TET3: variants seen among roughly 807,000 people sequenced by gnomAD.
TET3 encodes the protein tet methylcytosine dioxygenase 3.
TET3 carries 19 observed loss-of-function variants against 141.4 expected under a neutral mutation model. That is an observed-to-expected ratio of 0.13 (90% CI 0.09 to 0.20). TET3 has a LOEUF of 0.20. Among genes scored for constraint, TET3 ranks in the 10% least tolerant of loss-of-function variants. The pLI, the probability that TET3 is intolerant of heterozygous loss-of-function variation, is 1.00. For missense variants in TET3, 1,874 were observed against 2,356.9 expected, an observed-to-expected ratio of 0.80 and a Z score of 4.24; for synonymous variants, 1,043 against 980.9, an observed-to-expected ratio of 1.06 and a Z score of -1.18.
chr2:74,132,573 AAC>A, the TET3 span, among the ~76,000 whole-genome samples: 6 of 152,218 alleles, frequency 3.9e-5, no homozygotes, highest in South Asian at 1.0e-3. Flanking sequence ...TTTTTGTAGA[AAC>A]AGTGTCTTAC....
chr2:74,067,380 C>G (rs1020548087), intron 4 of TET3, among the ~76,000 whole-genome samples: 2 of 152,172 alleles, frequency 1.3e-5, no homozygotes, highest in African/African-American at 4.8e-5. Context: ...TTTGGCGGAG[C>G]CTGGACAACA....
intron 3 of TET3, among the ~76,000 whole-genome samples, chr2:74,016,224 G>T (rs1685720209): frequency 6.6e-6 from 1 of 151,862 alleles, no homozygotes; most frequent in South Asian, 2.1e-4. Flanking sequence ...ACTTGCTTGA[G>T]CCCAGGAGTT....
chr2:74,000,160 C>T (rs1295232875), intron 2 of TET3, among the ~76,000 whole-genome samples: 1 of 152,128 alleles, frequency 6.6e-6, no homozygotes, highest in African/African-American at 2.4e-5. Context: ...CAGGTCCTGC[C>T]CTCCCAGGAC....
intron 3 of TET3, among the ~76,000 whole-genome samples, chr2:74,023,531 C>T (rs748977232): frequency 3.9e-5 from 6 of 152,352 alleles, no homozygotes; most frequent in African/African-American, 7.2e-5. Context: ...GTGTGAGCCA[C>T]AGCGCACAGT....
rs772568876 is a variant in TET3, at chr2:74,100,525, G to T, written c.3737G>T (p.Cys1246Phe). 1 of 1,609,954 alleles carries T rather than the reference G, an allele frequency of 6.2e-7. No homozygotes were observed. ...GAGAGCTACTCGGTGCTGGGCAACT[G>T]CCGGCCCTCCGACCCTTACAGCATG... ...VVESYSVLGN[C>F]RPSDPYSMNS... The change falls in exon 12 of 12, where the codon TGC (cysteine) becomes TTC (phenylalanine). Residue 1246 changes from cysteine to phenylalanine, a missense_variant. Cys to Phe is a radical substitution (Grantham distance 205, BLOSUM62 -2). This residue lies in a region of TET3 where 602 missense variants were observed against 590.2 expected (regional missense o/e 1.02). Coordinates refer to ENST00000409262, the MANE Select transcript of TET3 (RefSeq NM_001287491.2).
chr2:74,054,851 A>G (rs1319655308), intron 4 of TET3, among the ~76,000 whole-genome samples: 1 of 152,134 alleles, frequency 6.6e-6, no homozygotes, highest in Non-Finnish European at 1.5e-5. Context: ...TTTGCAGTTA[A>G]AGCCCAGATT....
intron 3 of TET3, 67 bp downstream of exon 3, chr2:74,003,233 G>T: frequency 6.5e-7 from 1 of 1,540,894 alleles, no homozygotes; most frequent in Non-Finnish European, 8.8e-7. Flanking sequence ...TGACCGGATT[G>T]GATAAAAATA....
intron 2 of TET3, among the ~76,000 whole-genome samples, chr2:73,999,178 G>C (rs993836470): frequency 6.6e-6 from 1 of 152,186 alleles, no homozygotes; most frequent in African/African-American, 2.4e-5. Context: ...ACCAGCTCTA[G>C]AAGAGGTAGG....
At position 74,099,311 on chromosome 2, in the gene TET3, G is replaced by A. The variant is rs758905713; in HGVS notation, c.3303G>A (p.Val1101=). The change falls in exon 11 of 12, where the codon GTG becomes GTA. Residue 1101 remains valine (V), a synonymous_variant. Transcript: ENST00000409262. The part of the protein sequence containing the change: ...CTLTKEDNRC[V]GKIPEDEQLH... The stretch of plus-strand genomic sequence containing the variant: ...TGACCAAGGAAGACAATCGCTGCGT[G>A]GGCAAGATTCCCGAGGATGAGCAGC... 7.5e-6 allele frequency: 12 copies of A among 1,610,682 alleles called. No homozygotes were observed. The highest frequency in any genetic ancestry group is 4.5e-5 in the East Asian group (2 of 44,782).
intron 3 of TET3, among the ~76,000 whole-genome samples, chr2:74,045,127 A>C (rs1178400101): frequency 6.6e-6 from 1 of 152,190 alleles, no homozygotes; most frequent in Non-Finnish European, 1.5e-5. Context: ...ACATTTTGGC[A>C]GGAGTTCTAT....
At chr2:74,016,296 C>G (rs1429624328) in intron 3 of TET3, among the ~76,000 whole-genome samples, 1 of 151,158 alleles carries the variant, frequency 6.6e-6, no homozygotes, top group Non-Finnish European at 1.5e-5. Flanking sequence ...GAGCAAGACC[C>G]TGTCTCTTTA....
At chr2:73,991,332 C>G (rs1281335110) in intron 2 of TET3, among the ~76,000 whole-genome samples, 2 of 151,644 alleles carry the variant, frequency 1.3e-5, no homozygotes, top group Non-Finnish European at 2.9e-5. Context: ...GCTTGTAATC[C>G]CAGCACTTTG....
In TET3 at chr2:74,080,703, G is replaced by C. The variant is rs1470379042; in HGVS notation, c.2679+112G>C. On this transcript the variant is annotated intron_variant, in intron 6 of 11. Transcript: ENST00000409262. ...ATGTAGCTGAGCAGGCGAGGGCGGG[G>C]GGTGGGGCCAGGTGGGTGTGTAGGA... 4 of 372,340 alleles carry C rather than the reference G, an allele frequency of 1.1e-5. 1 individual carries two copies. Among genetic ancestry groups the C allele is most frequent in the East Asian group, 2.0e-4 (2 of 9,816 alleles). 23.1% of individuals were successfully genotyped at this position (372,340 alleles called of 1,614,324 possible). A position where few individuals can be genotyped will look rare whatever the true frequency, so the allele number is the denominator to read the frequency against.
intron 4 of TET3, among the ~76,000 whole-genome samples, chr2:74,065,607 C>CGTCT (rs1688842769): frequency 3.7e-5 from 5 of 134,148 alleles, no homozygotes; most frequent in African/African-American, 1.5e-4. Context: ...TCCTTCCGTC[C>CGTCT]GTCCGTCCGT....
At chr2:74,056,780 T>TC (rs1463935249) in intron 4 of TET3, among the ~76,000 whole-genome samples, 1 of 152,196 alleles carries the variant, frequency 6.6e-6, no homozygotes, top group African/African-American at 2.4e-5. Context: ...GGAAAAGCTT[T>TC]CATCAGCTGA....
chr2:74,105,235 T>C lies in TET3; in HGVS notation c.*3059T>C, dbSNP rs1271748326. On this transcript the variant is annotated 3_prime_UTR_variant, in exon 12 of 12. Coordinates refer to ENST00000409262, the MANE Select transcript of TET3 (RefSeq NM_001287491.2). ...GTCATATTATAGCAACGGAAATCGATGGCGTCTTAGTCATCTCCCCAGTGT... is the reference window on the plus strand; with the variant it reads ...GTCATATTATAGCAACGGAAATCGACGGCGTCTTAGTCATCTCCCCAGTGT... 2.5e-6 allele frequency: 1 copy of C among 398,500 alleles called. No homozygotes were observed. The highest frequency in any genetic ancestry group is 4.4e-6 in the Non-Finnish European group (1 of 226,062). 24.7% of individuals were successfully genotyped at this position (398,500 alleles called of 1,614,324 possible). A position where few individuals can be genotyped will look rare whatever the true frequency, so the allele number is the denominator to read the frequency against.
chr2:73,991,805 CAAAAAAAAA>C (rs772400180), intron 2 of TET3, among the ~76,000 whole-genome samples: 4 of 79,624 alleles, frequency 5.0e-5, no homozygotes, highest in African/African-American at 1.4e-4. Flanking sequence ...AACTCTGTCT[CAAAAAAAAA>C]AAAAAAAAAA....
the TET3 span, among the ~76,000 whole-genome samples, chr2:74,119,230 G>A: frequency 1.3e-5 from 2 of 152,020 alleles, no homozygotes; most frequent in Non-Finnish European, 2.9e-5. Context: ...TCACGTGCCT[G>A]TAATCCCAGA....
At chr2:74,040,013 A>AC (rs1487888991) in intron 3 of TET3, among the ~76,000 whole-genome samples, 1 of 152,234 alleles carries the variant, frequency 6.6e-6, no homozygotes, top group Non-Finnish European at 1.5e-5. Flanking sequence ...TGTCCAAGTC[A>AC]CACAGTAAGA....
Sources: allele counts gnomAD v4.1 joint callset (sites outside exome capture counted in the v4.1 genomes callset), GRCh38; gene constraint gnomAD v4.1.1; regional missense constraint gnomAD v4.1.1; transcripts MANE v1.5; gene names NCBI Gene and HGNC (gene_info 2026-07-23, HGNC 2026-07-21).